Variants in AHR observed in about 807,000 individuals in gnomAD.
The protein encoded by AHR is AH-receptor.
Under a neutral mutation model 86.8 loss-of-function variants are expected in AHR, and 40 were observed. That is an observed-to-expected ratio of 0.46 (90% CI 0.36 to 0.60). The LOEUF is 0.60. AHR is among the 20% of genes least tolerant of loss of function. The pLI, the probability that AHR is intolerant of heterozygous loss-of-function variation, is 0.00. For missense variants in AHR, 1,001 were observed against 1,011.6 expected, an observed-to-expected ratio of 0.99 and a Z score of 0.14; for synonymous variants, 398 against 354.9, an observed-to-expected ratio of 1.12 and a Z score of -1.37.
chr7:17,308,630 C>A (rs1172505325), intron 1 of AHR, among the ~76,000 whole-genome samples: 2 of 151,676 alleles, frequency 1.3e-5, no homozygotes, highest in Non-Finnish European at 1.5e-5. Context: ...CTAGGGGAAC[C>A]ATCACCAATT....
At chr7:17,317,521 C>A (rs1782128583) in intron 2 of AHR, among the ~76,000 whole-genome samples, 1 of 152,096 alleles carries the variant, frequency 6.6e-6, no homozygotes, top group East Asian at 1.9e-4. Context: ...TGCTGAACAG[C>A]ATGGAATGAT....
At chr7:17,306,823 TA>T (rs898484380) in intron 1 of AHR, among the ~76,000 whole-genome samples, 2 of 152,166 alleles carry the variant, frequency 1.3e-5, no homozygotes, top group Non-Finnish European at 2.9e-5. Flanking sequence ...AGTCCTTTCT[TA>T]ACCTCACTGT....
At chr7:17,309,910 T>C (rs1782044531) in intron 1 of AHR, 26 bp from the exon 2 acceptor site, 1 of 1,500,960 alleles carries the variant, frequency 6.7e-7, no homozygotes, top group African/African-American at 1.4e-5. Context: ...TAAAGGATTT[T>C]TTATGGTATT....
chr7:17,302,665 G>A (rs1442753123), intron 1 of AHR, among the ~76,000 whole-genome samples: 1 of 151,816 alleles, frequency 6.6e-6, no homozygotes, highest in Non-Finnish European at 1.5e-5. Flanking sequence ...GAGGAAACAG[G>A]TATAAATTGA....
chr7:17,316,265 G>A (rs1009401871), intron 2 of AHR, among the ~76,000 whole-genome samples: 2 of 152,164 alleles, frequency 1.3e-5, no homozygotes, highest in African/African-American at 4.8e-5. Context: ...GGTGATTTCT[G>A]TTCCTTGTTT....
At chr7:17,334,861 AT>A (rs747383234) in intron 7 of AHR, 25 bp from the exon 8 acceptor site, 1 of 1,510,052 alleles carries the variant, frequency 6.6e-7, no homozygotes, top group Non-Finnish European at 9.1e-7. Context: ...ATCCATTCTT[AT>A]TTTACCTTTT....
At chr7:17,320,454 T>C (rs1031575554) in intron 2 of AHR, among the ~76,000 whole-genome samples, 2 of 152,122 alleles carry the variant, frequency 1.3e-5, no homozygotes, top group Non-Finnish European at 2.9e-5. Context: ...GTTGATTAAA[T>C]ATTAATTTTA....
At chr7:17,333,090 T>C (rs907274176) in intron 6 of AHR, among the ~76,000 whole-genome samples, 4 of 152,032 alleles carry the variant, frequency 2.6e-5, no homozygotes, top group Admixed American at 2.0e-4. Flanking sequence ...AAGGCTATAC[T>C]GTATAGCTTA....
intron 6 of AHR, among the ~76,000 whole-genome samples, chr7:17,332,061 A>G (rs780856887): frequency 2.6e-5 from 4 of 151,934 alleles, no homozygotes; most frequent in Non-Finnish European, 5.9e-5. Flanking sequence ...CAGACCATGT[A>G]TATGATGGTA....
At chr7:17,325,252 T>C (rs971526500) in intron 3 of AHR, among the ~76,000 whole-genome samples, 2 of 152,248 alleles carry the variant, frequency 1.3e-5, no homozygotes, top group African/African-American at 4.8e-5. Flanking sequence ...CGTTTCTAGA[T>C]TTTTATTTCT....
At position 17,343,104 on chromosome 7, in the gene AHR, A is replaced by C; in HGVS notation, c.*40A>C. Reference sequence around the variant, plus strand: ...TTGACCCTGGTTTTTGGATTAAATTAGTTTGTGAAGGATTATGGAAAAATA... The same window carrying C: ...TTGACCCTGGTTTTTGGATTAAATTCGTTTGTGAAGGATTATGGAAAAATA... On this transcript the variant is annotated 3_prime_UTR_variant, in exon 11 of 11. Coordinates refer to ENST00000242057, the MANE Select transcript of AHR (RefSeq NM_001621.5). 6.2e-7 allele frequency: 1 copy of C among 1,604,690 alleles called. No homozygotes were observed. Among genetic ancestry groups the C allele is most frequent in the Non-Finnish European group, 8.5e-7 (1 of 1,172,236 alleles).
chr7:17,333,318 T>C (rs979869610), intron 6 of AHR, among the ~76,000 whole-genome samples: 25 of 152,060 alleles, frequency 1.6e-4, no homozygotes, highest in Admixed American at 1.3e-3. Context: ...CTGGTTGATA[T>C]TGTTTTAAGC....
At chr7:17,304,843 T>C (rs1781989272) in intron 1 of AHR, among the ~76,000 whole-genome samples, 1 of 152,058 alleles carries the variant, frequency 6.6e-6, no homozygotes, top group Non-Finnish European at 1.5e-5. Context: ...CCACTTAAAA[T>C]TTTTTTGGTA....
rs1781926763 is a variant in AHR at position 17,299,228 on chromosome 7, G to C, written c.-37G>C. On this transcript the variant is annotated 5_prime_UTR_variant, in exon 1 of 11. Transcript: ENST00000242057. ...CCGGGTTCCGGGGACCCGGCCGCCAGTGCCCGGGGAGTAGCCGCCGCCGTC... is the reference window on the plus strand; with the variant it reads ...CCGGGTTCCGGGGACCCGGCCGCCACTGCCCGGGGAGTAGCCGCCGCCGTC... The C allele has an allele frequency of 6.2e-7, 1 of 1,604,468 alleles. No homozygotes were observed. The highest frequency in any genetic ancestry group is 1.3e-5 in the African/African-American group (1 of 74,116).
chr7:17,319,622 A>C (rs1782149487), intron 2 of AHR, among the ~76,000 whole-genome samples: 1 of 152,042 alleles, frequency 6.6e-6, no homozygotes, highest in Non-Finnish European at 1.5e-5. Flanking sequence ...AAGTAAGGTC[A>C]CTCCAATGGT....
At chr7:17,321,298 T>C (rs963951943) in intron 2 of AHR, among the ~76,000 whole-genome samples, 1 of 152,042 alleles carries the variant, frequency 6.6e-6, no homozygotes, top group Non-Finnish European at 1.5e-5. Flanking sequence ...ATCCACTATG[T>C]GTCAGAAACT....
intron 2 of AHR, 46 bp downstream of exon 2, chr7:17,310,169 A>C (rs760914931): frequency 6.5e-7 from 1 of 1,534,180 alleles, no homozygotes; most frequent in African/African-American, 1.4e-5. Flanking sequence ...TATAAAAAAT[A>C]CTTGTACTAG....
rs1160127118 is a variant in AHR, at chr7:17,302,281, C to G, written c.65+2952C>G. Among the ~76,000 whole-genome samples the G allele has an allele frequency of 2.6e-5, 4 of 151,976 alleles. No individual in the cohort carries two copies. The South Asian group carries it at 6.2e-4, about 24-fold the overall frequency. ...ATTATGAAGTGTCAGAACTGGAAGT[C>G]ACTTCTGAGCCTTAGCTGATCTTTC... On this transcript the variant is annotated intron_variant, in intron 1 of 10. Coordinates refer to ENST00000242057, the MANE Select transcript of AHR (RefSeq NM_001621.5).
Position 17,299,158 on chromosome 7 carries a change from C to T in AHR, c.-107C>T. The stretch of plus-strand genomic sequence containing the variant: ...GAGGACGCAGGTGGAGCGGGCGCGG[C>T]TTCGCGGAACCCGGCGCCGGCCGCC... On this transcript the variant is annotated 5_prime_UTR_variant, in exon 1 of 11. Transcript: ENST00000242057. 1 of 1,279,062 alleles carries T rather than the reference C, an allele frequency of 7.8e-7. No individual in the cohort carries two copies. Among genetic ancestry groups the T allele is most frequent in the South Asian group, 1.5e-5 (1 of 64,900 alleles). The allele number at this position is 1,279,062 out of a possible 1,614,324, so 79.2% of individuals were successfully genotyped here.
Sources: gnomAD v4.1 joint callset for allele counts (sites outside exome capture counted in the v4.1 genomes callset) on GRCh38, gnomAD v4.1.1 for gene constraint, MANE v1.5 for transcripts, NCBI Gene and HGNC (gene_info 2026-07-23, HGNC 2026-07-21) for gene names.